Variants in TNFRSF8 observed in about 807,000 individuals in gnomAD.
TNFRSF8 encodes tumor necrosis factor receptor superfamily member 8.
A neutral mutation model predicts 70.8 loss-of-function variants in TNFRSF8; 26 were observed. The observed-to-expected ratio is 0.37, with a 90% CI of 0.27 to 0.51. The LOEUF (loss-of-function observed/expected upper bound fraction) is 0.51. TNFRSF8 is among the 20% of genes least tolerant of loss of function. TNFRSF8 has a pLI of 0.94. For synonymous variants in TNFRSF8, 356 were observed against 339.2 expected, an observed-to-expected ratio of 1.05 and a Z score of -0.54; for missense variants, 720 against 807.9, an observed-to-expected ratio of 0.89 and a Z score of 1.32.
chr1:12,083,731 A>G (rs997588727), intron 1 of TNFRSF8, among the ~76,000 whole-genome samples: 2 of 152,224 alleles, frequency 1.3e-5, no homozygotes, highest in African/African-American at 2.4e-5. Flanking sequence ...TAAATTGTGC[A>G]TATTTGTGTG....
chr1:12,074,565 C>G lies in TNFRSF8; in HGVS notation c.64-9899C>G, dbSNP rs147675973. ...AAAGTGCTGGGATTACAGGCATGAG[C>G]CACCAGGCCCGGCCTCAAACTCACT... On this transcript the variant is annotated intron_variant, in intron 1 of 14. Coordinates refer to ENST00000263932, the MANE Select transcript of TNFRSF8 (RefSeq NM_001243.5). 1.1e-4 allele frequency among the ~76,000 whole-genome samples: 17 copies of G among 152,272 alleles called. No individual in the cohort carries two copies. In the East Asian group the frequency reaches 3.1e-3, roughly 28 times the overall value.
Position 12,126,051 on chromosome 1 carries a change from G to C in TNFRSF8, c.1254G>C (p.Gln418His), listed in dbSNP as rs758084448. Reference sequence around the variant, plus strand: ...GGGCCTGCAGGAAGCGAATTCGGCAGAGTAAGTGGCTGTGTCCTTGGGGCC... The same window carrying C: ...GGGCCTGCAGGAAGCGAATTCGGCACAGTAAGTGGCTGTGTCCTTGGGGCC... ...HRRACRKRIR[Q>H]KLHLCYPVQT... Residue 418 changes from glutamine (Q) to histidine (H), a missense_variant and splice_region_variant, in exon 11 of 15, where the codon CAG becomes CAC. Gln to His is a conservative substitution (Grantham distance 24, BLOSUM62 0). Transcript: ENST00000263932. 6.2e-7 allele frequency: 1 copy of C among 1,614,228 alleles called. No individual in the cohort carries two copies.
chr1:12,124,458 A>G (rs1323774566), intron 10 of TNFRSF8, among the ~76,000 whole-genome samples: 3 of 152,204 alleles, frequency 2.0e-5, no homozygotes, highest in East Asian at 1.9e-4. Context: ...CAGTTGTCTC[A>G]TCTATACAAT....
chr1:12,131,713 C>CT (rs1642051319), intron 12 of TNFRSF8, among the ~76,000 whole-genome samples: 2 of 151,476 alleles, frequency 1.3e-5, no homozygotes, highest in Admixed American at 6.6e-5. Flanking sequence ...AGGCTGGTCT[C>CT]TAACTCCTGA....
At chr1:12,124,754 G>A (rs1031045099) in intron 10 of TNFRSF8, among the ~76,000 whole-genome samples, 6 of 152,114 alleles carry the variant, frequency 3.9e-5, no homozygotes, top group Non-Finnish European at 7.3e-5. Context: ...CCCGGGAGGC[G>A]GAGGTTGCAA....
rs558238700 is a variant in TNFRSF8 at position 12,141,037 on chromosome 1, C to G, written c.1544-1250C>G. The stretch of plus-strand genomic sequence containing the variant: ...CCCAGCCCATAGCCTGTCCCGCACT[C>G]TGGGCCTTCTCCTCTTGCTGCCGTT... On this transcript the variant is annotated intron_variant, in intron 14 of 14. Coordinates refer to ENST00000263932, the MANE Select transcript of TNFRSF8 (RefSeq NM_001243.5). This position sits in a 1 kb window ranked among gnomAD's most constrained non-coding sequence, Gnocchi z 5.4. Among the ~76,000 whole-genome samples the G allele has an allele frequency of 6.6e-6, 1 of 152,370 alleles. No individual in the cohort carries two copies. Among genetic ancestry groups the G allele is most frequent in the East Asian group, 1.9e-4 (1 of 5,188 alleles).
At chr1:12,100,821 T>C (rs562130462) in intron 3 of TNFRSF8, among the ~76,000 whole-genome samples, 111 of 152,132 alleles carry the variant, frequency 7.3e-4, no homozygotes, top group African/African-American at 2.6e-3. Context: ...GCCGGGCACG[T>C]TGGCATGCGC....
chr1:12,097,006 TG>T, intron 2 of TNFRSF8, 94 bp from the exon 3 acceptor site: 1 of 885,276 alleles, frequency 1.1e-6, no homozygotes, highest in South Asian at 1.5e-5. Context: ...GAGGTGGAGC[TG>T]GGAGGGGCGT....
At chr1:12,085,357 G>A (rs879653253) in intron 2 of TNFRSF8, among the ~76,000 whole-genome samples, 17 of 152,150 alleles carry the variant, frequency 1.1e-4, no homozygotes, top group Non-Finnish European at 2.4e-4. Context: ...TGATCCACCC[G>A]CCTCAGCCTC....
rs902923813 is a variant in TNFRSF8, at chr1:12,112,440, A to G, written c.793+426A>G. On this transcript the variant is annotated intron_variant, in intron 7 of 14. Coordinates refer to ENST00000263932, the MANE Select transcript of TNFRSF8 (RefSeq NM_001243.5). This position sits in a 1 kb window ranked among gnomAD's most constrained non-coding sequence, Gnocchi z 5.3. Reference sequence around the variant, plus strand: ...GGTCTCACTCCTTCACCCAAGCTGCAGTACGGTGGTGGGATCATAGCTCCC... The same window carrying G: ...GGTCTCACTCCTTCACCCAAGCTGCGGTACGGTGGTGGGATCATAGCTCCC... Among the ~76,000 whole-genome samples the G allele has an allele frequency of 2.6e-5, 4 of 150,996 alleles. No individual in the cohort carries two copies. Among genetic ancestry groups the G allele is most frequent in the African/African-American group, 9.8e-5 (4 of 40,980 alleles).
At chr1:12,074,860 C>G (rs1319536124) in intron 1 of TNFRSF8, among the ~76,000 whole-genome samples, 1 of 152,126 alleles carries the variant, frequency 6.6e-6, no homozygotes, top group African/African-American at 2.4e-5. Context: ...GCAATCATAG[C>G]TCACTGTAAC....
At chr1:12,065,078 C>CTTTTTTTTTTT (rs773549918) in intron 1 of TNFRSF8, among the ~76,000 whole-genome samples, 2 of 88,262 alleles carry the variant, frequency 2.3e-5, no homozygotes, top group Non-Finnish European at 4.0e-5. Flanking sequence ...CATACCAAAC[C>CTTTTTTTTTTT]TTTTTTTTTT....
rs1321466760 is a variant in TNFRSF8 at position 12,088,338 on chromosome 1, TC to T, written c.151+3788del. Among the ~76,000 whole-genome samples, 1 of 151,922 alleles carries T rather than the reference TC, an allele frequency of 6.6e-6. No homozygotes were observed. Among genetic ancestry groups the T allele is most frequent in the African/African-American group, 2.4e-5 (1 of 41,344 alleles). ...GGCCCTTTACCGACCTTAAGTTCCTTCAATCCTGATAAGAAATCCAGAGAGG... is the reference window on the plus strand; with the variant it reads ...GGCCCTTTACCGACCTTAAGTTCCTTAATCCTGATAAGAAATCCAGAGAGG... On this transcript the variant is annotated intron_variant, in intron 2 of 14. Transcript: ENST00000263932. The surrounding 1 kb of genome is among the most constrained non-coding windows in gnomAD (Gnocchi z 4.0).
chr1:12,097,073 C>T (rs771773606), intron 2 of TNFRSF8, 28 bp from the exon 3 acceptor site: 7 of 1,595,176 alleles, frequency 4.4e-6, no homozygotes, highest in South Asian at 1.1e-5. Context: ...GTCAGCCTGG[C>T]TTGGAGCTTC....
chr1:12,065,141 T>C (rs1322014889), intron 1 of TNFRSF8, among the ~76,000 whole-genome samples: 1 of 135,108 alleles, frequency 7.4e-6, no homozygotes, highest in Non-Finnish European at 1.5e-5. Context: ...TGGAGTGCAA[T>C]GCTCGATCTC....
intron 4 of TNFRSF8, 92 bp downstream of exon 4, chr1:12,104,623 C>G: frequency 6.8e-7 from 1 of 1,465,904 alleles, no homozygotes; most frequent in Non-Finnish European, 9.4e-7. Context: ...CTTCCGACCT[C>G]CCGCTTCCCG....
chr1:12,140,433 C>A lies in TNFRSF8; in HGVS notation c.1544-1854C>A, dbSNP rs894922564. On this transcript the variant is annotated intron_variant, in intron 14 of 14. Coordinates refer to ENST00000263932, the MANE Select transcript of TNFRSF8 (RefSeq NM_001243.5). ...AAGGGAAGAACCCCTTTCCCCCCAA[C>A]TTCCTCACCTGCCCTCCCCACATAG... Among the ~76,000 whole-genome samples, 28 of 152,192 alleles carry A rather than the reference C, an allele frequency of 1.8e-4. 1 individual carries two copies. The highest frequency in any genetic ancestry group is 2.9e-5 in the Non-Finnish European group (2 of 68,024).
At chr1:12,094,613 GTTTT>G (rs1042247656) in intron 2 of TNFRSF8, among the ~76,000 whole-genome samples, 3 of 119,704 alleles carry the variant, frequency 2.5e-5, no homozygotes, top group African/African-American at 9.2e-5. Flanking sequence ...CATGAAGCTA[GTTTT>G]TTTTTTTTTT....
chr1:12,104,118 T>C (rs966012790), intron 3 of TNFRSF8, among the ~76,000 whole-genome samples: 2 of 152,238 alleles, frequency 1.3e-5, no homozygotes, highest in Non-Finnish European at 2.9e-5. Flanking sequence ...AATGACAGTG[T>C]GTGGCCTTTT....
Sources: gnomAD v4.1 joint callset for allele counts (sites outside exome capture counted in the v4.1 genomes callset) on GRCh38, gnomAD v4.1.1 for gene constraint, Gnocchi (gnomAD v3.1) non-coding constraint, MANE v1.5 for transcripts, NCBI Gene and HGNC (gene_info 2026-07-23, HGNC 2026-07-21) for gene names.